Variants in GLDN observed in about 807,000 individuals in gnomAD.
GLDN encodes collomin.
GLDN carries 47 observed loss-of-function variants against 56.5 expected under a neutral mutation model. That is an observed-to-expected ratio of 0.83 (90% CI 0.66 to 1.06). The LOEUF (loss-of-function observed/expected upper bound fraction) is 1.06. Ranked by LOEUF, GLDN falls within the 50% of genes least tolerant of loss-of-function variation. GLDN has a pLI of 0.00. For missense variants in GLDN, 782 were observed against 714.3 expected, an observed-to-expected ratio of 1.09 and a Z score of -1.08; for synonymous variants, 332 against 278.8, an observed-to-expected ratio of 1.19 and a Z score of -1.90.
Position 51,345,986 on chromosome 15 carries a change from G to T in GLDN, c.363+3939G>T, listed in dbSNP as rs1595798072. 2.0e-5 allele frequency among the ~76,000 whole-genome samples: 3 copies of T among 152,330 alleles called. No homozygotes were observed. In the South Asian group the frequency reaches 6.2e-4, roughly 32 times the overall value. On this transcript the variant is annotated intron_variant, in intron 1 of 9. Transcript: ENST00000335449. Reference sequence around the variant, plus strand: ...AAGAAAAGATGTGCAAAACCTGTGTGTGTATCTATATACTTACCTTTTGTG... The same window carrying T: ...AAGAAAAGATGTGCAAAACCTGTGTTTGTATCTATATACTTACCTTTTGTG...
At chr15:51,389,596 G>A (rs1228699970) in intron 4 of GLDN, among the ~76,000 whole-genome samples, 1 of 152,188 alleles carries the variant, frequency 6.6e-6, no homozygotes, top group Non-Finnish European at 1.5e-5. Context: ...TAAGCATAAA[G>A]GACGAGAGAG....
chr15:51,367,240 A>AT (rs2037423401), intron 1 of GLDN: 1 of 152,170 alleles, frequency 6.6e-6, no homozygotes, highest in East Asian at 1.9e-4. Context: ...TCAGGCATGC[A>AT]TTTTCAGATG....
At chr15:51,383,552 A>ACT in intron 3 of GLDN, 99 bp downstream of exon 3, 1 of 1,410,700 alleles carries the variant, frequency 7.1e-7, no homozygotes, top group Non-Finnish European at 1.0e-6. Context: ...AAGAGCCTGG[A>ACT]GGCAGTCCTG....
At chr15:51,359,978 CAAAAAAAA>C (rs58874237) in intron 1 of GLDN, among the ~76,000 whole-genome samples, 15 of 92,728 alleles carry the variant, frequency 1.6e-4, no homozygotes, top group Non-Finnish European at 3.2e-4. Flanking sequence ...GACTCTGTCT[CAAAAAAAA>C]AAAAAAAAAG....
At position 51,380,958 on chromosome 15, in the gene GLDN, G is replaced by A. The variant is rs138736250; in HGVS notation, c.416-2478G>A. Reference sequence around the variant, plus strand: ...TCCATTCCAGTCATCTATGATGCTCGGATAAAAATGCAGATTATTGGGCCT... The same window carrying A: ...TCCATTCCAGTCATCTATGATGCTCAGATAAAAATGCAGATTATTGGGCCT... On this transcript the variant is annotated intron_variant, in intron 2 of 9. Coordinates refer to ENST00000335449, the MANE Select transcript of GLDN (RefSeq NM_181789.4). Among the ~76,000 whole-genome samples, 14 of 152,222 alleles carry A rather than the reference G, an allele frequency of 9.2e-5. No individual in the cohort carries two copies. The South Asian group carries it at 1.2e-3, about 14-fold the overall frequency.
At chr15:51,383,755 T>C (rs1566945739) in intron 3 of GLDN, 30 bp from the exon 4 acceptor site, 1 of 1,465,086 alleles carries the variant, frequency 6.8e-7, no homozygotes, top group South Asian at 1.3e-5. Context: ...TTTTTTTGGT[T>C]AATGTCCCTG....
At chr15:51,348,620 C>A (rs546518222) in intron 1 of GLDN, among the ~76,000 whole-genome samples, 2 of 152,246 alleles carry the variant, frequency 1.3e-5, no homozygotes, top group East Asian at 1.9e-4. Context: ...AGACATGAAC[C>A]ACTGTGTCTA....
intron 1 of GLDN, among the ~76,000 whole-genome samples, chr15:51,356,840 G>T (rs1024321793): frequency 6.6e-6 from 1 of 152,134 alleles, no homozygotes; most frequent in Non-Finnish European, 1.5e-5. Context: ...TATTATTTTA[G>T]TATTTTTCAA....
At chr15:51,350,436 G>C (rs983996377) in intron 1 of GLDN, among the ~76,000 whole-genome samples, 1 of 152,168 alleles carries the variant, frequency 6.6e-6, no homozygotes, top group Non-Finnish European at 1.5e-5. Context: ...ACCCCATGCA[G>C]AGCCTGGGAA....
intron 2 of GLDN, 59 bp downstream of exon 2, chr15:51,377,559 C>G: frequency 7.2e-7 from 1 of 1,388,356 alleles, no homozygotes; most frequent in Non-Finnish European, 1.0e-6. Flanking sequence ...GCTGAAGGCC[C>G]GTGGCAGAAT....
intron 2 of GLDN, among the ~76,000 whole-genome samples, chr15:51,381,516 T>C (rs953831873): frequency 6.6e-6 from 1 of 152,174 alleles, no homozygotes; most frequent in African/African-American, 2.4e-5. Context: ...CTGTTATGTA[T>C]TGAAAGCATA....
In GLDN at chr15:51,341,889, C is replaced by G; in HGVS notation, c.205C>G (p.Leu69Val). Reference sequence around the variant, plus strand: ...CGAGGACAGTGCCCTGCGCTCCTTCCTGGCCGAGTTGAGCCGCGCGCCGCG... The same window carrying G: ...CGAGGACAGTGCCCTGCGCTCCTTCGTGGCCGAGTTGAGCCGCGCGCCGCG... Reference protein sequence around the residue: ...QREDSALRSFLAELSRAPRGA... With the variant: ...QREDSALRSFVAELSRAPRGA... The change falls in exon 1 of 10, where the codon CTG becomes GTG. Residue 69 changes from leucine (L) to valine (V), a missense_variant. Transcript: ENST00000335449. The G allele has an allele frequency of 6.3e-7, 1 of 1,582,604 alleles. No individual in the cohort carries two copies. The highest frequency in any genetic ancestry group is 8.5e-7 in the Non-Finnish European group (1 of 1,172,344).
Position 51,401,799 on chromosome 15 carries a change from G to T in GLDN, c.1178+56G>T, listed in dbSNP as rs1240630001. On this transcript the variant is annotated intron_variant, in intron 9 of 9. Transcript: ENST00000335449. ...TCTCAGGCAGCACCTGTGCTGTGGT[G>T]CTTTTGTGAGCAATTAGGGGTAGGG... 3.3e-6 allele frequency: 5 copies of T among 1,519,682 alleles called. No homozygotes were observed. The African/African-American group carries it at 6.9e-5, about 21-fold the overall frequency. The allele number at this position is 1,519,682 out of a possible 1,614,324, so 94.1% of individuals were successfully genotyped here. A position where few individuals can be genotyped will look rare whatever the true frequency, so the allele number is the denominator to read the frequency against.
intron 1 of GLDN, among the ~76,000 whole-genome samples, chr15:51,368,203 T>C (rs115770338): frequency 0.015 from 2,236 of 152,258 alleles, 65 homozygotes; most frequent in African/African-American, 0.051. Flanking sequence ...CTTGATGCCA[T>C]TCTGGTGCTG....
chr15:51,373,808 A>T (rs1335443700), intron 1 of GLDN, among the ~76,000 whole-genome samples: 1 of 152,188 alleles, frequency 6.6e-6, no homozygotes, highest in Non-Finnish European at 1.5e-5. Context: ...AATGACCTCT[A>T]AGGACTCTTC....
At chr15:51,382,321 C>T (rs117873448) in intron 2 of GLDN, among the ~76,000 whole-genome samples, 2 of 152,038 alleles carry the variant, frequency 1.3e-5, no homozygotes, top group East Asian at 1.9e-4. Context: ...ATCTTTCCCA[C>T]GTAGACTGTG....
At chr15:51,392,100 G>A (rs138993264) in intron 4 of GLDN, among the ~76,000 whole-genome samples, 1 of 152,298 alleles carries the variant, frequency 6.6e-6, no homozygotes, top group East Asian at 1.9e-4. Context: ...ATATGAACAT[G>A]AATATGGAAG....
At chr15:51,376,658 T>C (rs940501672) in intron 1 of GLDN, among the ~76,000 whole-genome samples, 2 of 152,276 alleles carry the variant, frequency 1.3e-5, no homozygotes, top group Admixed American at 1.3e-4. Context: ...TGTACAGATC[T>C]ACAAAAATAC....
At chr15:51,343,867 C>G (rs886207903) in intron 1 of GLDN, among the ~76,000 whole-genome samples, 3 of 152,198 alleles carry the variant, frequency 2.0e-5, no homozygotes, top group Non-Finnish European at 4.4e-5. Flanking sequence ...CTATAGAATC[C>G]TCTCCAGAAT....
Sources: allele counts gnomAD v4.1 joint callset (sites outside exome capture counted in the v4.1 genomes callset), GRCh38; gene constraint gnomAD v4.1.1; transcripts MANE v1.5; gene names NCBI Gene and HGNC (gene_info 2026-07-23, HGNC 2026-07-21).